Variants in OR5J2 observed in about 807,000 individuals in gnomAD.
The protein encoded by OR5J2 is olfactory receptor 5J2.
Under a neutral mutation model 6.7 loss-of-function variants are expected in OR5J2, and 4 were observed. That is an observed-to-expected ratio of 0.60 (90% CI 0.29 to 1.37). The LOEUF is 1.37. OR5J2 is among the 40% of genes most tolerant of loss of function. The pLI is 0.09. For synonymous variants in OR5J2, 174 were observed against 140.4 expected (o/e 1.24, Z -1.69); for missense variants, 415 against 366.4 (o/e 1.13, Z -1.08).
rs1332524103 is a variant in OR5J2 at position 56,176,734 on chromosome 11, G to A, written c.117G>A (p.Leu39=). The change falls in exon 1 of 1, where the codon TTG becomes TTA. Residue 39 remains leucine (L), a synonymous_variant. Transcript: ENST00000312298. The part of the protein sequence containing the change: ...VVFLVIYAIT[L]LRNLGMILLI... ...TCCTGGTGATTTACGCCATTACCTT[G>A]TTGAGGAATCTGGGCATGATCCTCT... The A allele has an allele frequency of 6.2e-7, 1 of 1,613,986 alleles. No homozygotes were observed. Among genetic ancestry groups the A allele is most frequent in the East Asian group, 2.2e-5 (1 of 44,862 alleles).
chr11:56,177,292 C>T lies in OR5J2; in HGVS notation c.675C>T (p.Ser225=). The T allele has an allele frequency of 6.2e-7, 1 of 1,614,018 alleles. No individual in the cohort carries two copies. The highest frequency in any genetic ancestry group is 8.5e-7 in the Non-Finnish European group (1 of 1,179,960). The change falls in exon 1 of 1, where the codon AGC becomes AGT. Residue 225 remains serine, a synonymous_variant. Coordinates refer to ENST00000312298, the MANE Select transcript of OR5J2 (RefSeq NM_001005492.1). ...CCTACATCTTCATTGCTTTTGCTAG[C>T]CTAAGGATCCACTCAGCATCAGGCA... The part of the protein sequence containing the change: ...IISYIFIAFA[S]LRIHSASGRQ...
At position 56,176,624 on chromosome 11, in the gene OR5J2, G is replaced by A; in HGVS notation, c.7G>A (p.Asp3Asn). The A allele has an allele frequency of 6.3e-7, 1 of 1,594,916 alleles. No individual in the cohort carries two copies. Among genetic ancestry groups the A allele is most frequent in the African/African-American group, 1.3e-5 (1 of 74,210 alleles). The change falls in exon 1 of 1, where the codon GAT becomes AAT. Residue 3 changes from aspartate to asparagine, a missense_variant. By Grantham distance (23) the Asp-to-Asn change is conservative. Transcript: ENST00000312298. MA[D>N]DNFTVVTEFI... ...GTGAAAAAGAAAGAAACATATGGCT[G>A]ATGATAATTTTACAGTTGTCACTGA...
Position 56,176,904 on chromosome 11 carries a change from C to G in OR5J2, c.287C>G (p.Ala96Gly), listed in dbSNP as rs779578731. Residue 96 changes from alanine (A) to glycine (G), a missense_variant, in exon 1 of 1, where the codon GCT (alanine) becomes GGT (glycine). By Grantham distance (60) the Ala-to-Gly change is moderately conservative. Transcript: ENST00000312298. ...LVVKATISFS[A>G]CMVQHLCFGV... ...GTGAAGGCAACAATTTCTTTCTCTG[C>G]TTGCATGGTACAGCATTTGTGTTTC... 1.9e-6 allele frequency: 3 copies of G among 1,614,114 alleles called. No homozygotes were observed. In the Admixed American group the frequency reaches 5.0e-5, roughly 27 times the overall value.
In OR5J2 at chr11:56,176,685, TA is replaced by T. The variant is rs1852539117; in HGVS notation, c.72del (p.Ala25LeufsTer9). 2 of 1,613,678 alleles carry T rather than the reference TA, an allele frequency of 1.2e-6. No individual in the cohort carries two copies. Among genetic ancestry groups the T allele is most frequent in the Non-Finnish European group, 8.5e-7 (1 of 1,179,706 alleles). On this transcript the variant is annotated frameshift_variant, in exon 1 of 1. Transcript: ENST00000312298. LOFTEE classifies it low-confidence loss of function (END_TRUNC). ...ILLGLTDHAE[L>X]KAVLFVVFLV... is the part of the protein sequence containing the mutation. The stretch of plus-strand genomic sequence containing the variant: ...TTGGGATTGACAGATCATGCTGAAC[TA>T]AAAGCTGTGCTTTTTGTGGTGTTCC...
rs1014908598 is a variant in OR5J2, at chr11:56,177,038, T to C, written c.421T>C (p.Cys141Arg). ...CACTGTAGCCATGTCTGATAGAAAGTGTGTGGAGCTTGTCACAGGATCATG... is the reference window on the plus strand; with the variant it reads ...CACTGTAGCCATGTCTGATAGAAAGCGTGTGGAGCTTGTCACAGGATCATG... The part of the protein sequence containing the change: ...LYTVAMSDRK[C>R]VELVTGSWIG... Residue 141 changes from cysteine (C) to arginine (R), a missense_variant, in exon 1 of 1, where the codon TGT (cysteine) becomes CGT (arginine). Cys to Arg is a radical substitution (Grantham distance 180). Transcript: ENST00000312298. 19 of 1,613,992 alleles carry C rather than the reference T, an allele frequency of 1.2e-5. No homozygotes were observed. The highest frequency in any genetic ancestry group is 1.4e-5 in the Non-Finnish European group (17 of 1,180,000).
Position 56,177,044 on chromosome 11 carries a change from G to C in OR5J2, c.427G>C (p.Glu143Gln), listed in dbSNP as rs573804726. 6.2e-7 allele frequency: 1 copy of C among 1,614,050 alleles called. No homozygotes were observed. The highest frequency in any genetic ancestry group is 2.2e-5 in the East Asian group (1 of 44,874). The change falls in exon 1 of 1, where the codon GAG becomes CAG. Residue 143 changes from glutamate (E) to glutamine (Q), a missense_variant. Glu to Gln is a conservative substitution (Grantham distance 29, BLOSUM62 2). Transcript: ENST00000312298. Reference sequence around the variant, plus strand: ...AGCCATGTCTGATAGAAAGTGTGTGGAGCTTGTCACAGGATCATGGATAGG... The same window carrying C: ...AGCCATGTCTGATAGAAAGTGTGTGCAGCTTGTCACAGGATCATGGATAGG... ...TVAMSDRKCV[E>Q]LVTGSWIGGI...
Position 56,177,385 on chromosome 11 carries a change from C to T in OR5J2, c.768C>T (p.Ile256=). The T allele has an allele frequency of 6.2e-7, 1 of 1,614,084 alleles. No individual in the cohort carries two copies. Among genetic ancestry groups the T allele is most frequent in the Non-Finnish European group, 8.5e-7 (1 of 1,179,990 alleles). The part of the protein sequence containing the change: ...TAVTIFYGTL[I]FSYIQPSSQY... ...TGACCATATTCTATGGTACCTTAAT[C>T]TTTAGCTACATTCAGCCAAGCTCCC... is the stretch of plus-strand genomic sequence containing the variant. The change falls in exon 1 of 1, where the codon ATC becomes ATT. Residue 256 remains isoleucine (I), a synonymous_variant. Coordinates refer to ENST00000312298, the MANE Select transcript of OR5J2 (RefSeq NM_001005492.1).
chr11:56,177,272 A>G lies in OR5J2; in HGVS notation c.655A>G (p.Ile219Val), dbSNP rs757035260. The change falls in exon 1 of 1, where the codon ATC becomes GTC. Residue 219 changes from isoleucine to valine, a missense_variant. Ile to Val is a conservative substitution (Grantham distance 29). Transcript: ENST00000312298. ...ATFLTVIISY[I>V]FIAFASLRIH... Reference sequence around the variant, plus strand: ...CTTCTTGACTGTGATCATTTCCTACATCTTCATTGCTTTTGCTAGCCTAAG... The same window carrying G: ...CTTCTTGACTGTGATCATTTCCTACGTCTTCATTGCTTTTGCTAGCCTAAG... 4 of 1,613,862 alleles carry G rather than the reference A, an allele frequency of 2.5e-6. No individual in the cohort carries two copies. Among genetic ancestry groups the G allele is most frequent in the Non-Finnish European group, 3.4e-6 (4 of 1,179,994 alleles).
In OR5J2 at chr11:56,176,977, T is replaced by C. The variant is rs1268757031; in HGVS notation, c.360T>C (p.Tyr120=). The C allele has an allele frequency of 6.2e-7, 1 of 1,614,052 alleles. No individual in the cohort carries two copies. Among genetic ancestry groups the C allele is most frequent in the South Asian group, 1.1e-5 (1 of 91,084 alleles). ...TEGFLLSVMA[Y]DRYVAIVSPL... ...GCTTCTTACTGTCAGTGATGGCCTATGACCGCTATGTGGCCATTGTGAGTC... is the reference window on the plus strand; with the variant it reads ...GCTTCTTACTGTCAGTGATGGCCTACGACCGCTATGTGGCCATTGTGAGTC... Residue 120 remains tyrosine, a synonymous_variant, in exon 1 of 1, where the codon TAT becomes TAC. Coordinates refer to ENST00000312298, the MANE Select transcript of OR5J2 (RefSeq NM_001005492.1).
rs1264838929 is a variant in OR5J2 at position 56,177,049 on chromosome 11, T to A, written c.432T>A (p.Leu144=). The change falls in exon 1 of 1, where the codon CTT becomes CTA. Residue 144 remains leucine, a synonymous_variant. Coordinates refer to ENST00000312298, the MANE Select transcript of OR5J2 (RefSeq NM_001005492.1). ...TGTCTGATAGAAAGTGTGTGGAGCT[T>A]GTCACAGGATCATGGATAGGTGGAA... is the stretch of plus-strand genomic sequence containing the variant. ...VAMSDRKCVE[L]VTGSWIGGIV... 6.2e-7 allele frequency: 1 copy of A among 1,613,952 alleles called. No homozygotes were observed. Among genetic ancestry groups the A allele is most frequent in the African/African-American group, 1.3e-5 (1 of 74,890 alleles).
chr11:56,176,863 G>T lies in OR5J2; in HGVS notation c.246G>T (p.Leu82=). ...CATCTGCAATTGCACCCAAAATGCT[G>T]GTGAACCTCCTGGTTGTGAAGGCAA... ...CYSSAIAPKM[L]VNLLVVKATI... is the part of the protein sequence containing the mutation. Residue 82 remains leucine, a synonymous_variant, in exon 1 of 1, where the codon CTG becomes CTT. Transcript: ENST00000312298. 6.2e-7 allele frequency: 1 copy of T among 1,614,014 alleles called. No individual in the cohort carries two copies. Among genetic ancestry groups the T allele is most frequent in the Non-Finnish European group, 8.5e-7 (1 of 1,179,968 alleles).
chr11:56,177,215 T>A lies in OR5J2; in HGVS notation c.598T>A (p.Leu200Ile). ...SDTSMNELLL[L>I]TFSGVIAMAT... ...CACCTCCATGAATGAGTTGTTGCTG[T>A]TAACCTTCTCCGGAGTCATTGCCAT... The change falls in exon 1 of 1, where the codon TTA (leucine) becomes ATA (isoleucine). Residue 200 changes from leucine (L) to isoleucine (I), a missense_variant. Coordinates refer to ENST00000312298, the MANE Select transcript of OR5J2 (RefSeq NM_001005492.1). The A allele has an allele frequency of 6.2e-7, 1 of 1,614,072 alleles. No homozygotes were observed. The highest frequency in any genetic ancestry group is 8.5e-7 in the Non-Finnish European group (1 of 1,179,946).
In OR5J2 at chr11:56,177,430, G is replaced by A. The variant is rs1852554806; in HGVS notation, c.813G>A (p.Glu271=). The A allele has an allele frequency of 1.9e-6, 3 of 1,613,954 alleles. No individual in the cohort carries two copies. The highest frequency in any genetic ancestry group is 1.7e-6 in the Non-Finnish European group (2 of 1,179,908). The part of the protein sequence containing the change: ...QPSSQYFVEQ[E]KVVSMFYTLG... ...GCTCCCAGTATTTTGTGGAACAAGA[G>A]AAAGTGGTTTCTATGTTCTATACGC... The change falls in exon 1 of 1, where the codon GAG becomes GAA. Residue 271 remains glutamate (E), a synonymous_variant. Coordinates refer to ENST00000312298, the MANE Select transcript of OR5J2 (RefSeq NM_001005492.1).
Position 56,177,236 on chromosome 11 carries a change from G to T in OR5J2, c.619G>T (p.Ala207Ser). The stretch of plus-strand genomic sequence containing the variant: ...GCTGTTAACCTTCTCCGGAGTCATT[G>T]CCATGGCCACCTTCTTGACTGTGAT... ...LLLLTFSGVI[A>S]MATFLTVIIS... is the part of the protein sequence containing the mutation. The change falls in exon 1 of 1, where the codon GCC becomes TCC. Residue 207 changes from alanine to serine, a missense_variant. By Grantham distance (99) the Ala-to-Ser change is moderately conservative (BLOSUM62 1). Coordinates refer to ENST00000312298, the MANE Select transcript of OR5J2 (RefSeq NM_001005492.1). The T allele has an allele frequency of 2.5e-6, 4 of 1,613,960 alleles. No homozygotes were observed. Among genetic ancestry groups the T allele is most frequent in the Non-Finnish European group, 3.4e-6 (4 of 1,179,960 alleles).
Position 56,177,379 on chromosome 11 carries a change from C to T in OR5J2, c.762C>T (p.Thr254=). 1 of 1,614,028 alleles carries T rather than the reference C, an allele frequency of 6.2e-7. No homozygotes were observed. Among genetic ancestry groups the T allele is most frequent in the South Asian group, 1.1e-5 (1 of 91,078 alleles). ...HLTAVTIFYG[T]LIFSYIQPSS... The stretch of plus-strand genomic sequence containing the variant: ...CTGCTGTGACCATATTCTATGGTAC[C>T]TTAATCTTTAGCTACATTCAGCCAA... The change falls in exon 1 of 1, where the codon ACC becomes ACT. Residue 254 remains threonine (T), a synonymous_variant. Coordinates refer to ENST00000312298, the MANE Select transcript of OR5J2 (RefSeq NM_001005492.1).
In OR5J2 at chr11:56,177,108, G is replaced by A; in HGVS notation, c.491G>A (p.Arg164Lys). Residue 164 changes from arginine (R) to lysine (K), a missense_variant, in exon 1 of 1, where the codon AGG becomes AAG. Physicochemically the swap from Arg to Lys is conservative, Grantham distance 26 (BLOSUM62 2). Transcript: ENST00000312298. ...ACATTAATCCACACAATCAGCTTGA[G>A]GAGACTGTCCTTTTGTAGGCTAAAT... is the stretch of plus-strand genomic sequence containing the variant. ...VNTLIHTISL[R>K]RLSFCRLNAV... is the part of the protein sequence containing the mutation. 6.2e-7 allele frequency: 1 copy of A among 1,614,078 alleles called. No homozygotes were observed. Among genetic ancestry groups the A allele is most frequent in the South Asian group, 1.1e-5 (1 of 91,072 alleles).
Position 56,176,653 on chromosome 11 carries a change from T to C in OR5J2, c.36T>C (p.Phe12=). The C allele has an allele frequency of 6.2e-7, 1 of 1,612,246 alleles. No homozygotes were observed. Among genetic ancestry groups the C allele is most frequent in the South Asian group, 1.1e-5 (1 of 90,972 alleles). Residue 12 remains phenylalanine (F), a synonymous_variant, in exon 1 of 1, where the codon TTT becomes TTC. Coordinates refer to ENST00000312298, the MANE Select transcript of OR5J2 (RefSeq NM_001005492.1). The part of the protein sequence containing the change: ...ADDNFTVVTE[F]ILLGLTDHAE... ...ATAATTTTACAGTTGTCACTGAGTT[T>C]ATTCTTTTGGGATTGACAGATCATG...
At position 56,176,890 on chromosome 11, in the gene OR5J2, A is replaced by T; in HGVS notation, c.273A>T (p.Thr91=). ...TGAACCTCCTGGTTGTGAAGGCAAC[A>T]ATTTCTTTCTCTGCTTGCATGGTAC... The part of the protein sequence containing the change: ...MLVNLLVVKA[T]ISFSACMVQH... Residue 91 remains threonine (T), a synonymous_variant, in exon 1 of 1, where the codon ACA becomes ACT. Coordinates refer to ENST00000312298, the MANE Select transcript of OR5J2 (RefSeq NM_001005492.1). 6.2e-7 allele frequency: 1 copy of T among 1,614,166 alleles called. No homozygotes were observed. The highest frequency in any genetic ancestry group is 8.5e-7 in the Non-Finnish European group (1 of 1,180,018).
Position 56,177,012 on chromosome 11 carries a change from A to G in OR5J2, c.395A>G (p.Tyr132Cys). 3 of 1,614,100 alleles carry G rather than the reference A, an allele frequency of 1.9e-6. No individual in the cohort carries two copies. The highest frequency in any genetic ancestry group is 2.5e-6 in the Non-Finnish European group (3 of 1,179,996). The change falls in exon 1 of 1, where the codon TAC becomes TGC. Residue 132 changes from tyrosine to cysteine, a missense_variant. Tyr to Cys is a radical substitution (Grantham distance 194, BLOSUM62 -2). Transcript: ENST00000312298. Reference protein sequence around the residue: ...RYVAIVSPLLYTVAMSDRKCV... With the variant: ...RYVAIVSPLLCTVAMSDRKCV... ...GTGGCCATTGTGAGTCCCTTGCTTTACACTGTAGCCATGTCTGATAGAAAG... is the reference window on the plus strand; with the variant it reads ...GTGGCCATTGTGAGTCCCTTGCTTTGCACTGTAGCCATGTCTGATAGAAAG...
Sources: gnomAD v4.1 joint callset for allele counts on GRCh38, gnomAD v4.1.1 for gene constraint, MANE v1.5 for transcripts, NCBI Gene and HGNC (gene_info 2026-07-23, HGNC 2026-07-21) for gene names.